Variants in TG observed in about 807,000 individuals in gnomAD.
TG encodes the protein thyroglobulin.
Under a neutral mutation model 324.7 loss-of-function variants are expected in TG, and 270 were observed. The ratio of observed to expected loss-of-function variants is 0.83; its 90% CI spans 0.75 to 0.92. The LOEUF (loss-of-function observed/expected upper bound fraction) is 0.92, where lower values mean the gene tolerates loss of function less well. Among genes scored for constraint, TG ranks in the 40% least tolerant of loss-of-function variants. The pLI is 0.00. For synonymous variants in TG, 1,401 were observed against 1,327.0 expected (o/e 1.06, Z -1.21); for missense variants, 3,591 against 3,456.4 (o/e 1.04, Z -0.98).
At chr8:132,925,666 G>A (rs904573964) in intron 22 of TG, among the ~76,000 whole-genome samples, 1 of 152,136 alleles carries the variant, frequency 6.6e-6, no homozygotes, top group Non-Finnish European at 1.5e-5. Context: ...AGATCAGTTA[G>A]CCAGATGCTT....
intron 26 of TG, among the ~76,000 whole-genome samples, chr8:132,943,747 C>G (rs1176648380): frequency 6.6e-6 from 1 of 152,212 alleles, no homozygotes; most frequent in African/African-American, 2.4e-5. Flanking sequence ...CCCCAAACTG[C>G]TTCTACCAGC....
At chr8:133,006,026 C>A (rs1833986931) in intron 35 of TG, among the ~76,000 whole-genome samples, 1 of 152,230 alleles carries the variant, frequency 6.6e-6, no homozygotes, top group Admixed American at 6.5e-5. Context: ...AGCAAAGGTG[C>A]TGATGGATTA....
At chr8:132,869,320 C>A (rs887544950) in intron 2 of TG, among the ~76,000 whole-genome samples, 10 of 152,198 alleles carry the variant, frequency 6.6e-5, no homozygotes, top group Non-Finnish European at 1.0e-4. Context: ...TCCCAATATA[C>A]CCTGCTGGCC....
At chr8:133,129,962 G>A (rs1851821522) in intron 45 of TG, among the ~76,000 whole-genome samples, 1 of 152,150 alleles carries the variant, frequency 6.6e-6, no homozygotes, top group Admixed American at 6.5e-5. Context: ...CACAAGTTAA[G>A]GACTCCCACT....
chr8:133,038,786 A>G (rs747110928), intron 41 of TG: 2 of 1,331,974 alleles, frequency 1.5e-6, no homozygotes, highest in African/African-American at 1.4e-5. Context: ...AAAGAGAGTC[A>G]TAGAGAGAGG....
At chr8:132,979,904 G>A (rs1465385726) in intron 34 of TG, among the ~76,000 whole-genome samples, 1 of 152,148 alleles carries the variant, frequency 6.6e-6, no homozygotes, top group Admixed American at 6.5e-5. Context: ...CCAATCACAA[G>A]CCCTGAGCCT....
intron 35 of TG, 172 bp downstream of exon 35, chr8:132,983,584 C>A: frequency 1.5e-6 from 1 of 688,452 alleles, no homozygotes; most frequent in Non-Finnish European, 2.6e-6. Context: ...AGCAACATGC[C>A]CACTTTGCAG....
intron 43 of TG, among the ~76,000 whole-genome samples, chr8:133,111,019 G>A (rs1232850889): frequency 6.6e-6 from 1 of 152,156 alleles, no homozygotes; most frequent in East Asian, 1.9e-4. Flanking sequence ...GGCTCAGAGA[G>A]AGGAAAAAAT....
In TG at chr8:132,963,026, G is replaced by A; in HGVS notation, c.5500G>A (p.Gly1834Arg). 6.2e-7 allele frequency: 1 copy of A among 1,613,958 alleles called. No homozygotes were observed. The highest frequency in any genetic ancestry group is 8.5e-7 in the Non-Finnish European group (1 of 1,179,916). The change falls in exon 29 of 48, where the codon GGA becomes AGA. Residue 1834 changes from glycine to arginine, a missense_variant. Transcript: ENST00000220616. ...CATGGGGTCTCGGCCTGAGTCTATG[G>A]GATGTAGAAAAGACACAGTGCCAAG... ...SDMGSRPESM[G>R]CRKDTVPRPA... is the part of the protein sequence containing the mutation.
At chr8:133,112,111 TGCCCACCCAGGA>T (rs1850298432) in intron 43 of TG, among the ~76,000 whole-genome samples, 2 of 1,058 alleles carry the variant, frequency 1.9e-3, no homozygotes, top group South Asian at 0.05. Context: ...GGAGTGGCTG[TGCCCACCCAGGA>T]GTGGCTGTGC....
chr8:133,081,624 GTC>G (rs1845764304), intron 41 of TG, among the ~76,000 whole-genome samples: 1 of 152,314 alleles, frequency 6.6e-6, no homozygotes, highest in Admixed American at 6.5e-5. Flanking sequence ...CACCACAACT[GTC>G]TGCTGCGAAG....
intron 38 of TG, among the ~76,000 whole-genome samples, chr8:133,019,274 G>C (rs895138515): frequency 6.6e-6 from 1 of 152,216 alleles, no homozygotes; most frequent in Non-Finnish European, 1.5e-5. Context: ...TGCACTCTTG[G>C]AGCAAAGAAG....
At chr8:132,961,602 G>A (rs1453567291) in intron 28 of TG, among the ~76,000 whole-genome samples, 5 of 152,128 alleles carry the variant, frequency 3.3e-5, no homozygotes, top group African/African-American at 1.2e-4. Flanking sequence ...CACGTTTTCT[G>A]AATGTTGACC....
intron 40 of TG, among the ~76,000 whole-genome samples, chr8:133,029,279 A>G (rs1050052743): frequency 1.3e-5 from 2 of 152,152 alleles, no homozygotes; most frequent in Non-Finnish European, 2.9e-5. Context: ...ATTGGATTCT[A>G]TGAAAAAGGA....
At chr8:132,891,340 G>T (rs1179684875) in intron 10 of TG, among the ~76,000 whole-genome samples, 1 of 152,114 alleles carries the variant, frequency 6.6e-6, no homozygotes, top group African/African-American at 2.4e-5. Context: ...ATTGGGAACA[G>T]ATTATAATTT....
chr8:133,019,754 G>A lies in TG; in HGVS notation c.6876+59G>A, dbSNP rs1835389420. ...AAGACTGTCCCATTAGAAATCCACT[G>A]TCCCCACTGTGGCCAGCACAGTTCA... is the stretch of plus-strand genomic sequence containing the variant. On this transcript the variant is annotated intron_variant, in intron 39 of 47. Transcript: ENST00000220616. 2.1e-6 allele frequency: 3 copies of A among 1,445,782 alleles called. No individual in the cohort carries two copies. The Admixed American group carries it at 5.1e-5, about 25-fold the overall frequency. The allele number at this position is 1,445,782 out of a possible 1,614,324, so 89.6% of individuals were successfully genotyped here.
chr8:133,030,625 C>T (rs556881153), intron 41 of TG, among the ~76,000 whole-genome samples: 1 of 152,320 alleles, frequency 6.6e-6, no homozygotes, highest in Admixed American at 6.5e-5. Flanking sequence ...TGCCATGAAA[C>T]ATTATACATA....
chr8:132,939,399 G>A (rs1409934678), intron 25 of TG, among the ~76,000 whole-genome samples: 3 of 152,190 alleles, frequency 2.0e-5, no homozygotes, highest in African/African-American at 7.2e-5. Flanking sequence ...GGACGGTAGA[G>A]GGTTTAGTAC....
intron 41 of TG, among the ~76,000 whole-genome samples, chr8:133,087,013 T>C (rs1846670664): frequency 6.6e-6 from 1 of 151,664 alleles, no homozygotes; most frequent in South Asian, 2.1e-4. Context: ...AATGGATTGT[T>C]AGGTGAAAAA....
Sources: gnomAD v4.1 joint callset for allele counts (sites outside exome capture counted in the v4.1 genomes callset) on GRCh38, gnomAD v4.1.1 for gene constraint, MANE v1.5 for transcripts, NCBI Gene and HGNC (gene_info 2026-07-23, HGNC 2026-07-21) for gene names.